The following ALDH1L1 variants were observed in gnomAD, a reference collection of about 807,000 sequenced individuals.
ALDH1L1 encodes aldehyde dehydrogenase 1 family member L1, also known as cytosolic 10-formyltetrahydrofolate dehydrogenase.
Under a neutral mutation model 101.1 loss-of-function variants are expected in ALDH1L1, and 68 were observed. That is an observed-to-expected ratio of 0.67 (90% CI 0.55 to 0.82). The LOEUF is 0.82. ALDH1L1 is among the 40% of genes least tolerant of loss of function. ALDH1L1 has a pLI of 0.00. For synonymous variants in ALDH1L1, 486 were observed against 470.8 expected (o/e 1.03, Z -0.42); for missense variants, 1,087 against 1,172.7 (o/e 0.93, Z 1.07).
At chr3:126,114,815 C>A in intron 17 of ALDH1L1, 159 bp from the exon 18 acceptor site, 1 of 679,116 alleles carries the variant, frequency 1.5e-6, no homozygotes, top group South Asian at 1.5e-5. Context: ...CTTGCGGCTT[C>A]ACACGGCCAC....
At chr3:126,141,923 G>A (rs1241379683) in intron 9 of ALDH1L1, among the ~76,000 whole-genome samples, 1 of 151,926 alleles carries the variant, frequency 6.6e-6, no homozygotes. Flanking sequence ...TAGATTTCTT[G>A]AAAATATCAA....
chr3:126,174,063 A>C (rs2081331068), intron 1 of ALDH1L1, among the ~76,000 whole-genome samples: 1 of 152,074 alleles, frequency 6.6e-6, no homozygotes, highest in Admixed American at 6.6e-5. Context: ...GGGGGGGCGG[A>C]GTTTCACTCT....
rs890445582 is a variant in ALDH1L1, at chr3:126,159,384, G to C, written c.128-745C>G. ...CGTCCTCCTTTATCTTAGCCTTACAGTGGCAGCTGCTTCCTGCAGTCGCTG... is the reference window on the plus strand; with the variant it reads ...CGTCCTCCTTTATCTTAGCCTTACACTGGCAGCTGCTTCCTGCAGTCGCTG... On this transcript the variant is annotated intron_variant, in intron 2 of 22. Transcript: ENST00000393434. 4.2e-5 allele frequency: 19 copies of C among 456,174 alleles called. No individual in the cohort carries two copies. In the Admixed American group the frequency reaches 4.5e-4, roughly 11 times the overall value. 28.3% of individuals were successfully genotyped at this position (456,174 alleles called of 1,614,324 possible).
chr3:126,157,778 C>T (rs941361087), intron 3 of ALDH1L1, among the ~76,000 whole-genome samples: 1 of 152,154 alleles, frequency 6.6e-6, no homozygotes, highest in African/African-American at 2.4e-5. Context: ...GATAGGGAAA[C>T]TAAGGCCCAG....
At chr3:126,135,751 C>T (rs1382643838) in intron 11 of ALDH1L1, 89 bp from the exon 12 acceptor site, 2 of 1,414,194 alleles carry the variant, frequency 1.4e-6, no homozygotes, top group Admixed American at 2.8e-5. Context: ...CTCCTGGGGC[C>T]CCAGTGAGGC....
chr3:126,160,844 C>T lies in ALDH1L1; in HGVS notation c.127+9G>A, dbSNP rs1348568633. The T allele has an allele frequency of 1.9e-6, 3 of 1,612,976 alleles. No homozygotes were observed. The highest frequency in any genetic ancestry group is 3.3e-5 in the Admixed American group (2 of 59,978). On this transcript the variant is annotated intron_variant, in intron 2 of 22. Transcript: ENST00000393434. The stretch of plus-strand genomic sequence containing the variant: ...TCCATCAGCTTCCCTGCTCCATTGG[C>T]TCACTCACCCAGGGGGTCGGCCTTT...
intron 1 of ALDH1L1, among the ~76,000 whole-genome samples, chr3:126,174,380 G>A (rs983897773): frequency 4.6e-5 from 7 of 152,208 alleles, no homozygotes; most frequent in Admixed American, 1.3e-4. Context: ...TAAGGACATA[G>A]TTGAACAGCA....
chr3:126,177,538 G>T (rs141115725), intron 1 of ALDH1L1, among the ~76,000 whole-genome samples: 16 of 152,236 alleles, frequency 1.1e-4, no homozygotes, highest in Middle Eastern at 3.4e-3. Flanking sequence ...ACCAGTGGTT[G>T]CCAGGGATAG....
chr3:126,132,361 G>A (rs914647222), intron 12 of ALDH1L1, among the ~76,000 whole-genome samples: 54 of 152,264 alleles, frequency 3.5e-4, no homozygotes, highest in South Asian at 4.1e-4. Flanking sequence ...GGCCTGCTCC[G>A]GTCCTCACCT....
At chr3:126,189,661 C>G (rs2081541066) in intron 1 of ALDH1L1, among the ~76,000 whole-genome samples, 1 of 152,212 alleles carries the variant, frequency 6.6e-6, no homozygotes, top group East Asian at 1.9e-4. Flanking sequence ...GCTCATGGAT[C>G]ATGGAAAGTT....
chr3:126,144,774 A>C (rs2080639545), intron 9 of ALDH1L1, among the ~76,000 whole-genome samples: 1 of 152,256 alleles, frequency 6.6e-6, no homozygotes, highest in Non-Finnish European at 1.5e-5. Flanking sequence ...AGTCTCCATG[A>C]CATTGGTCTT....
intron 11 of ALDH1L1, 54 bp from the exon 12 acceptor site, chr3:126,135,716 T>C: frequency 1.4e-6 from 2 of 1,445,764 alleles, no homozygotes; most frequent in South Asian, 1.5e-5. Flanking sequence ...TGCACACAGA[T>C]ACCCCTGCCT....
At chr3:126,178,786 G>A (rs1435025661) in intron 1 of ALDH1L1, among the ~76,000 whole-genome samples, 1 of 152,116 alleles carries the variant, frequency 6.6e-6, no homozygotes, top group East Asian at 1.9e-4. Context: ...GCATGCGTGT[G>A]TTTATCTGCA....
intron 3 of ALDH1L1, among the ~76,000 whole-genome samples, chr3:126,158,071 CCCCTGCGCCTCCTGGTGCCCTCTCTGT>C (rs1038361412): frequency 6.6e-5 from 10 of 152,146 alleles, no homozygotes; most frequent in East Asian, 1.9e-4. Flanking sequence ...GGCACCCTGG[CCCCTGCGCCTCCTGGTGCCCTCTCTGT>C]CCCTGCGCCT....
intron 1 of ALDH1L1, among the ~76,000 whole-genome samples, chr3:126,178,934 C>T (rs2081417724): frequency 7.1e-6 from 1 of 140,332 alleles, no homozygotes; most frequent in South Asian, 2.1e-4. Flanking sequence ...TACATGATTA[C>T]TTCTGAAAAA....
intron 1 of ALDH1L1, among the ~76,000 whole-genome samples, chr3:126,193,633 C>T (rs1271087248): frequency 6.6e-6 from 1 of 152,162 alleles, no homozygotes; most frequent in Non-Finnish European, 1.5e-5. Context: ...AGGCAGCCAT[C>T]CTGGTTCTCC....
intron 12 of ALDH1L1, among the ~76,000 whole-genome samples, chr3:126,132,487 C>T (rs1430005603): frequency 6.6e-6 from 1 of 152,190 alleles, no homozygotes; most frequent in Non-Finnish European, 1.5e-5. Flanking sequence ...GCCACAAGAC[C>T]CCAGCTCCTC....
intron 2 of ALDH1L1, chr3:126,159,584 G>A (rs1422273955): frequency 1.1e-5 from 5 of 454,880 alleles, no homozygotes; most frequent in Non-Finnish European, 2.2e-5. Flanking sequence ...TTTTGAGAGA[G>A]GGTGGGATGT....
intron 1 of ALDH1L1, among the ~76,000 whole-genome samples, chr3:126,172,409 A>G: frequency 6.6e-6 from 1 of 152,216 alleles, no homozygotes; most frequent in East Asian, 1.9e-4. Context: ...AAAGTCTAGA[A>G]ATAAAAACCC....
Sources: allele counts gnomAD v4.1 joint callset (sites outside exome capture counted in the v4.1 genomes callset), GRCh38; gene constraint gnomAD v4.1.1; transcripts MANE v1.5; gene names NCBI Gene and HGNC (gene_info 2026-07-23, HGNC 2026-07-21).